Variants in MYOM2 observed in about 807,000 individuals in gnomAD.
The protein encoded by MYOM2 is myomesin 2.
Under a neutral mutation model 187.6 loss-of-function variants are expected in MYOM2, and 254 were observed. The ratio of observed to expected loss-of-function variants is 1.35; its 90% CI spans 1.22 to 1.50. MYOM2 has a LOEUF of 1.50. Among genes scored for constraint, MYOM2 ranks in the 40% most tolerant of loss-of-function variants. The pLI is 0.00. For synonymous variants in MYOM2, 981 were observed against 753.8 expected (o/e 1.30, Z -4.94); for missense variants, 2,796 against 1,924.0 (o/e 1.45, Z -8.48).
At chr8:2,122,908 G>T (rs935054756) in intron 28 of MYOM2, among the ~76,000 whole-genome samples, 1 of 152,118 alleles carries the variant, frequency 6.6e-6, no homozygotes, top group Non-Finnish European at 1.5e-5. Context: ...CTATTATTCA[G>T]AAATCCCCAT....
chr8:2,135,047 T>G (rs1169044772), intron 32 of MYOM2, among the ~76,000 whole-genome samples: 1 of 152,180 alleles, frequency 6.6e-6, no homozygotes, highest in Non-Finnish European at 1.5e-5. Context: ...AGAATCTGAT[T>G]GGATCCCAGC....
intron 25 of MYOM2, among the ~76,000 whole-genome samples, chr8:2,113,598 A>G (rs140826396): frequency 6.6e-6 from 1 of 152,180 alleles, no homozygotes; most frequent in African/African-American, 2.4e-5. Flanking sequence ...ACCGACTGGG[A>G]CAGGTTCATA....
chr8:2,126,573 C>G (rs568783686), intron 31 of MYOM2, among the ~76,000 whole-genome samples: 75 of 152,156 alleles, frequency 4.9e-4, no homozygotes, highest in Non-Finnish European at 9.7e-4. Flanking sequence ...TAGACTCACA[C>G]ACTGATGCAT....
At chr8:2,064,481 C>T (rs1456434512) in intron 6 of MYOM2, among the ~76,000 whole-genome samples, 3 of 152,206 alleles carry the variant, frequency 2.0e-5, no homozygotes, top group African/African-American at 4.8e-5. Flanking sequence ...GCTCCGGTGA[C>T]GGGTTTCTTT....
intron 6 of MYOM2, 91 bp from the exon 7 acceptor site, chr8:2,069,187 A>G: frequency 8.1e-7 from 1 of 1,240,330 alleles, no homozygotes; most frequent in Non-Finnish European, 1.1e-6. Flanking sequence ...ACGCCATGTG[A>G]TTTGCTTTCG....
At chr8:2,052,600 T>A (rs992269237) in intron 3 of MYOM2, among the ~76,000 whole-genome samples, 1 of 152,214 alleles carries the variant, frequency 6.6e-6, no homozygotes, top group Non-Finnish European at 1.5e-5. Flanking sequence ...CAGGATTCCA[T>A]GTCTCACGCA....
At chr8:2,047,446 G>T (rs1034443800) in intron 1 of MYOM2, among the ~76,000 whole-genome samples, 2 of 152,186 alleles carry the variant, frequency 1.3e-5, no homozygotes, top group African/African-American at 4.8e-5. Context: ...TAAAAGTGGA[G>T]TTGAGGGCAC....
intron 13 of MYOM2, chr8:2,082,269 C>T (rs573527842): frequency 6.6e-6 from 1 of 152,244 alleles, no homozygotes; most frequent in Admixed American, 6.5e-5. Flanking sequence ...GGAATATGTC[C>T]TCTAACTTAA....
chr8:2,121,689 T>C (rs1425977591), intron 28 of MYOM2, among the ~76,000 whole-genome samples: 1 of 151,666 alleles, frequency 6.6e-6, no homozygotes, highest in Non-Finnish European at 1.5e-5. Context: ...TGCAGTCACA[T>C]TGTAACTTCA....
intron 10 of MYOM2, among the ~76,000 whole-genome samples, chr8:2,074,302 G>A (rs944155315): frequency 5.9e-5 from 9 of 152,112 alleles, no homozygotes; most frequent in Non-Finnish European, 1.2e-4. Context: ...TGAATCCATG[G>A]AGGCTCAGAG....
Position 2,140,772 on chromosome 8 carries a change from G to C in MYOM2, c.3850G>C (p.Glu1284Gln). 1 of 1,614,128 alleles carries C rather than the reference G, an allele frequency of 6.2e-7. No homozygotes were observed. The highest frequency in any genetic ancestry group is 1.1e-5 in the South Asian group (1 of 91,080). Residue 1284 changes from glutamate to glutamine, a missense_variant, in exon 33 of 37, where the codon GAG becomes CAG. Glu to Gln is a conservative substitution (Grantham distance 29). Transcript: ENST00000262113. ...SEHMRIGGSE[E>Q]MAWLQICEPT... ...GCATATGAGAATCGGGGGGAGTGAA[G>C]AGATGGCTTGGCTGCAGATATGTGA...
chr8:2,097,408 A>C (rs1409531795), intron 18 of MYOM2, among the ~76,000 whole-genome samples: 2 of 152,340 alleles, frequency 1.3e-5, no homozygotes, highest in East Asian at 3.9e-4. Flanking sequence ...TGATATTTTA[A>C]TATATGTTTG....
intron 32 of MYOM2, among the ~76,000 whole-genome samples, chr8:2,134,354 G>C (rs34804934): frequency 0.13 from 19,820 of 152,096 alleles, 2,182 homozygotes; most frequent in African/African-American, 0.28. Flanking sequence ...GATTGGGTTG[G>C]TGACTCCGTT....
At chr8:2,066,584 C>G (rs1266056871) in intron 6 of MYOM2, among the ~76,000 whole-genome samples, 1 of 152,174 alleles carries the variant, frequency 6.6e-6, no homozygotes, top group Non-Finnish European at 1.5e-5. Context: ...AGTAAACAAA[C>G]AAACAAAATG....
At chr8:2,100,796 G>C in intron 19 of MYOM2, 80 bp from the exon 20 acceptor site, 3 of 1,421,320 alleles carry the variant, frequency 2.1e-6, no homozygotes, top group Non-Finnish European at 2.9e-6. Flanking sequence ...GAGGAGCAGT[G>C]GGTCCCCGGG....
intron 25 of MYOM2, among the ~76,000 whole-genome samples, chr8:2,110,670 T>G (rs924023542): frequency 6.6e-6 from 1 of 152,132 alleles, no homozygotes; most frequent in Non-Finnish European, 1.5e-5. Context: ...TCAGTGTTGA[T>G]TGGTTTGTTC....
At chr8:2,132,701 C>T (rs559410235) in intron 32 of MYOM2, among the ~76,000 whole-genome samples, 8 of 152,290 alleles carry the variant, frequency 5.3e-5, no homozygotes, top group African/African-American at 1.9e-4. Context: ...ATCCTCTTGC[C>T]TTGGCCACCT....
At chr8:2,092,626 C>T (rs531265996) in intron 16 of MYOM2, 106 bp downstream of exon 16, 28 of 1,220,584 alleles carry the variant, frequency 2.3e-5, no homozygotes, top group East Asian at 2.0e-4. Flanking sequence ...AAGGCTTCTG[C>T]GTAAATGAGT....
intron 17 of MYOM2, among the ~76,000 whole-genome samples, chr8:2,095,815 A>C (rs539373631): frequency 6.6e-6 from 1 of 152,326 alleles, no homozygotes; most frequent in South Asian, 2.1e-4. Context: ...CTGTGCAGGA[A>C]ATTAAAACAA....
Sources: gnomAD v4.1 joint callset for allele counts (sites outside exome capture counted in the v4.1 genomes callset) on GRCh38, gnomAD v4.1.1 for gene constraint, MANE v1.5 for transcripts, NCBI Gene and HGNC (gene_info 2026-07-23, HGNC 2026-07-21) for gene names.